SLC8A1: variants seen among roughly 807,000 people sequenced by gnomAD.
SLC8A1 encodes solute carrier family 8 member A1.
Under a neutral mutation model 68.3 loss-of-function variants are expected in SLC8A1, and 18 were observed. The observed-to-expected ratio is 0.26, with a 90% CI of 0.18 to 0.39. The LOEUF (loss-of-function observed/expected upper bound fraction) is 0.39. Among genes scored for constraint, SLC8A1 ranks in the 10% least tolerant of loss-of-function variants. SLC8A1 has a pLI of 1.00. For synonymous variants in SLC8A1, 475 were observed against 415.5 expected, an observed-to-expected ratio of 1.14 and a Z score of -1.74; for missense variants, 985 against 1,156.7, an observed-to-expected ratio of 0.85 and a Z score of 2.15.
chr2:40,298,326 T>C (rs2070800394), intron 2 of SLC8A1, among the ~76,000 whole-genome samples: 1 of 152,210 alleles, frequency 6.6e-6, no homozygotes, highest in Non-Finnish European at 1.5e-5. Flanking sequence ...AGCAATCACA[T>C]TACAATGACT....
At chr2:40,145,481 G>C (rs1171375242) in intron 6 of SLC8A1, among the ~76,000 whole-genome samples, 1 of 152,204 alleles carries the variant, frequency 6.6e-6, no homozygotes, top group Non-Finnish European at 1.5e-5. Flanking sequence ...ATCTGCGGAT[G>C]TGTCTGACTT....
At chr2:40,234,975 T>C (rs565912882) in intron 2 of SLC8A1, among the ~76,000 whole-genome samples, 1 of 152,314 alleles carries the variant, frequency 6.6e-6, no homozygotes, top group African/African-American at 2.4e-5. Context: ...GGATAAGCTT[T>C]TTGATGTGCT....
At chr2:40,444,243 C>T (rs1701029033) in intron 1 of SLC8A1, among the ~76,000 whole-genome samples, 1 of 151,980 alleles carries the variant, frequency 6.6e-6, no homozygotes, top group South Asian at 2.1e-4. Context: ...GGAGGCTGAG[C>T]CAGGAGGATT....
At chr2:40,247,429 T>C (rs2062027212) in intron 2 of SLC8A1, among the ~76,000 whole-genome samples, 1 of 74,104 alleles carries the variant, frequency 1.3e-5, no homozygotes. Context: ...GAAAACAGCA[T>C]ATATATGTGT....
intron 2 of SLC8A1, among the ~76,000 whole-genome samples, chr2:40,217,980 G>A (rs1228526643): frequency 1.3e-5 from 2 of 152,086 alleles, no homozygotes; most frequent in African/African-American, 2.4e-5. Flanking sequence ...GCATGCATTT[G>A]CATCCAGGCC....
chr2:40,272,531 G>A (rs1253830113), intron 2 of SLC8A1, among the ~76,000 whole-genome samples: 2 of 152,172 alleles, frequency 1.3e-5, no homozygotes, highest in African/African-American at 4.8e-5. Context: ...TCCATAGGGG[G>A]CTAACACTGC....
chr2:40,495,976 T>C (rs1576668561), intron 1 of SLC8A1, among the ~76,000 whole-genome samples: 1 of 152,130 alleles, frequency 6.6e-6, no homozygotes. Flanking sequence ...ATCATTTATC[T>C]ATCGGTCTAA....
At chr2:40,231,890 AC>A (rs2059694575) in intron 2 of SLC8A1, among the ~76,000 whole-genome samples, 1 of 152,116 alleles carries the variant, frequency 6.6e-6, no homozygotes, top group African/African-American at 2.4e-5. Context: ...CTGGAACCAA[AC>A]TTGGCTGTCC....
At chr2:40,429,966 G>T (rs1209696477) in exon 2 of SLC8A1, 2 of 1,613,624 alleles carry the variant, frequency 1.2e-6, no homozygotes, top group East Asian at 4.5e-5. Flanking sequence ...GAGATGTGAT[G>T]ACTTCTATAG....
intron 1 of SLC8A1, among the ~76,000 whole-genome samples, chr2:40,485,102 T>A (rs568484761): frequency 6.6e-6 from 1 of 152,128 alleles, no homozygotes; most frequent in East Asian, 1.9e-4. Flanking sequence ...TTCAATCTGC[T>A]TGGATTAGCA....
chr2:40,119,740 G>A (rs2036357785), intron 7 of SLC8A1, among the ~76,000 whole-genome samples: 1 of 152,070 alleles, frequency 6.6e-6, no homozygotes, highest in South Asian at 2.1e-4. Context: ...CTTCATCTAT[G>A]TCCCTGGCTA....
chr2:40,470,955 C>T (rs949381619), intron 1 of SLC8A1, among the ~76,000 whole-genome samples: 3 of 152,182 alleles, frequency 2.0e-5, no homozygotes, highest in Non-Finnish European at 4.4e-5. Context: ...TCTTAAATCT[C>T]ATGGTACAGA....
At chr2:40,314,876 C>A (rs1575328181) in intron 2 of SLC8A1, among the ~76,000 whole-genome samples, 2 of 151,958 alleles carry the variant, frequency 1.3e-5, no homozygotes, top group South Asian at 4.1e-4. Flanking sequence ...AACTCCCTTA[C>A]TAGTTTTAGT....
chr2:40,187,119 C>T (rs2050842699), intron 2 of SLC8A1, among the ~76,000 whole-genome samples: 1 of 152,136 alleles, frequency 6.6e-6, no homozygotes, highest in Non-Finnish European at 1.5e-5. Context: ...CTCAAATCCA[C>T]TCTCATATAT....
At chr2:40,170,146 G>A in intron 4 of SLC8A1, 135 bp downstream of exon 7, 1 of 763,638 alleles carries the variant, frequency 1.3e-6, no homozygotes, top group Non-Finnish European at 2.2e-6. Flanking sequence ...CCGTACCACT[G>A]GCTGCCAGAG....
chr2:40,310,123 C>T (rs920861746), intron 2 of SLC8A1, among the ~76,000 whole-genome samples: 4 of 152,216 alleles, frequency 2.6e-5, no homozygotes, highest in African/African-American at 7.2e-5. Context: ...TCATGTCATA[C>T]ATGTATCTGT....
intron 7 of SLC8A1, among the ~76,000 whole-genome samples, chr2:40,133,705 C>CCCG (rs2039894020): frequency 1.7e-5 from 1 of 57,276 alleles, no homozygotes; most frequent in Non-Finnish European, 3.7e-5. Flanking sequence ...CAAAAATCCC[C>CCCG]CCCCCCCACC....
chr2:40,506,038 G>C (rs1052267639), intron 1 of SLC8A1, among the ~76,000 whole-genome samples: 8 of 150,894 alleles, frequency 5.3e-5, no homozygotes, highest in African/African-American at 1.7e-4. Context: ...CTCAGAGCTA[G>C]TCATGTGTTA....
chr2:40,222,917 T>C (rs1036696676), intron 2 of SLC8A1, among the ~76,000 whole-genome samples: 3 of 152,188 alleles, frequency 2.0e-5, no homozygotes, highest in African/African-American at 2.4e-5. Flanking sequence ...TACACTTTTG[T>C]TGGGAGTATA....
Sources: allele counts gnomAD v4.1 joint callset (sites outside exome capture counted in the v4.1 genomes callset), GRCh38; gene constraint gnomAD v4.1.1; transcripts MANE v1.5; gene names NCBI Gene and HGNC (gene_info 2026-07-23, HGNC 2026-07-21).